ULK4: variants seen among roughly 807,000 people sequenced by gnomAD.
The protein encoded by ULK4 is inactive serine/threonine-protein kinase ULK4.
In ULK4, 133 loss-of-function variants were observed where a neutral mutation model predicts 160.6. That is an observed-to-expected ratio of 0.83 (90% confidence interval 0.72 to 0.96). ULK4 has a LOEUF of 0.96. Among genes scored for constraint, ULK4 ranks in the 40% least tolerant of loss-of-function variants. ULK4 has a pLI of 0.00. For missense variants in ULK4, 1,580 were observed against 1,499.5 expected, an observed-to-expected ratio of 1.05 and a Z score of -0.89; for synonymous variants, 534 against 539.8, an observed-to-expected ratio of 0.99 and a Z score of 0.15.
At chr3:41,262,427 C>T (rs1366683478) in intron 35 of ULK4, among the ~76,000 whole-genome samples, 1 of 152,186 alleles carries the variant, frequency 6.6e-6, no homozygotes, top group Non-Finnish European at 1.5e-5. Flanking sequence ...GGTAAGCTAG[C>T]GTTTGAATGA....
At position 41,567,965 on chromosome 3, in the gene ULK4, G is replaced by A. The variant is rs528034083; in HGVS notation, c.3121-1835C>T. On this transcript the variant is annotated intron_variant, in intron 31 of 36. Coordinates refer to ENST00000301831, the MANE Select transcript of ULK4 (RefSeq NM_017886.4). Reference sequence around the variant, plus strand: ...ACCGTGTTGTATCTATCAAAACTAAGACATTTACACTGATACTAACAACTC... The same window carrying A: ...ACCGTGTTGTATCTATCAAAACTAAAACATTTACACTGATACTAACAACTC... Among the ~76,000 whole-genome samples, 7 of 152,194 alleles carry A rather than the reference G, an allele frequency of 4.6e-5. No homozygotes were observed. The East Asian group carries it at 1.4e-3, about 29-fold the overall frequency.
chr3:41,701,972 A>T lies in ULK4; in HGVS notation c.2781+3085T>A, dbSNP rs540663336. ...AAACAAAATGAAAAATAAAATGTCA[A>T]TAAAACAAGAAAGTGGAAGTAGGTA... On this transcript the variant is annotated intron_variant, in intron 27 of 36. Transcript: ENST00000301831. Among the ~76,000 whole-genome samples the T allele has an allele frequency of 2.5e-3, 384 of 152,348 alleles. 1 individual carries two copies. Among genetic ancestry groups the T allele is most frequent in the African/African-American group, 8.3e-3 (346 of 41,584 alleles).
At chr3:41,424,034 C>T (rs893790708) in intron 34 of ULK4, among the ~76,000 whole-genome samples, 3 of 152,086 alleles carry the variant, frequency 2.0e-5, no homozygotes, top group Non-Finnish European at 4.4e-5. Context: ...TTGCCTAAGA[C>T]AACTGAGCTC....
At chr3:41,730,608 A>G (rs1043135910) in intron 22 of ULK4, among the ~76,000 whole-genome samples, 3 of 152,328 alleles carry the variant, frequency 2.0e-5, no homozygotes, top group Admixed American at 6.5e-5. Context: ...AATGAGTAAT[A>G]AGACTGAATC....
chr3:41,560,421 C>T (rs890051682), intron 32 of ULK4, among the ~76,000 whole-genome samples: 7 of 152,072 alleles, frequency 4.6e-5, no homozygotes, highest in Non-Finnish European at 7.4e-5. Flanking sequence ...TAGTTTGATG[C>T]GGATGACATT....
At chr3:41,368,967 C>T (rs1260943274) in intron 35 of ULK4, among the ~76,000 whole-genome samples, 34 of 152,228 alleles carry the variant, frequency 2.2e-4, no homozygotes. Flanking sequence ...TTGCTCCTAC[C>T]TAGAGCATAT....
chr3:41,476,517 T>G (rs560690347), intron 32 of ULK4, among the ~76,000 whole-genome samples: 3 of 152,308 alleles, frequency 2.0e-5, no homozygotes, highest in African/African-American at 7.2e-5. Flanking sequence ...GAGATGGGTG[T>G]GTGGCTCTTT....
At chr3:41,291,404 A>C (rs954159552) in intron 35 of ULK4, among the ~76,000 whole-genome samples, 2 of 10,228 alleles carry the variant, frequency 2.0e-4, no homozygotes, top group African/African-American at 9.2e-4. Context: ...AAAGAAAAAG[A>C]ATAACGAAAG....
intron 31 of ULK4, among the ~76,000 whole-genome samples, chr3:41,570,646 T>C (rs1357589418): frequency 1.3e-5 from 2 of 152,224 alleles, no homozygotes; most frequent in African/African-American, 4.8e-5. Context: ...TGTAACTAAA[T>C]GCACATTTTC....
At chr3:41,782,171 T>G (rs1329809206) in intron 21 of ULK4, among the ~76,000 whole-genome samples, 16 of 152,010 alleles carry the variant, frequency 1.1e-4, no homozygotes, top group Middle Eastern at 3.4e-3. Flanking sequence ...TTTTTTTTTT[T>G]GGGCAAGTTC....
At chr3:41,419,634 G>A (rs971445624) in intron 34 of ULK4, among the ~76,000 whole-genome samples, 19 of 152,108 alleles carry the variant, frequency 1.2e-4, no homozygotes, top group Non-Finnish European at 4.4e-5. Context: ...CCAGCACTCT[G>A]CAGAAACTCA....
chr3:41,444,363 C>CTCTG (rs2083244427), intron 34 of ULK4, among the ~76,000 whole-genome samples: 1 of 54,116 alleles, frequency 1.8e-5, no homozygotes, highest in African/African-American at 8.6e-5. Flanking sequence ...TAAGTGACTT[C>CTCTG]TCTCTCTCTC....
intron 31 of ULK4, among the ~76,000 whole-genome samples, chr3:41,585,426 T>C (rs1286781525): frequency 1.3e-5 from 2 of 152,164 alleles, no homozygotes; most frequent in Non-Finnish European, 2.9e-5. Flanking sequence ...AATGAGATAC[T>C]CTTTTCAACA....
intron 31 of ULK4, among the ~76,000 whole-genome samples, chr3:41,584,078 C>T (rs965469635): frequency 1.3e-5 from 2 of 152,052 alleles, no homozygotes; most frequent in East Asian, 1.9e-4. Context: ...TTGATTGAGT[C>T]TATTAGAAAC....
intron 27 of ULK4, among the ~76,000 whole-genome samples, chr3:41,699,252 A>C (rs60340105): frequency 6.6e-6 from 1 of 152,136 alleles, no homozygotes; most frequent in East Asian, 1.9e-4. Flanking sequence ...TGTCCCCACC[A>C]ACACTAAGTA....
chr3:41,804,457 C>T (rs541422860), intron 19 of ULK4, among the ~76,000 whole-genome samples: 4 of 151,084 alleles, frequency 2.6e-5, no homozygotes, highest in African/African-American at 9.7e-5. Flanking sequence ...ATGGTAGTTT[C>T]TTTTGCTGTG....
intron 27 of ULK4, among the ~76,000 whole-genome samples, chr3:41,695,708 G>A (rs1037264787): frequency 6.6e-6 from 1 of 152,114 alleles, no homozygotes; most frequent in Non-Finnish European, 1.5e-5. Context: ...GCCGAGGCAA[G>A]AGACCGAGGC....
chr3:41,938,330 C>T, intron 2 of ULK4, 133 bp from the exon 3 acceptor site: 1 of 634,764 alleles, frequency 1.6e-6, no homozygotes, highest in Non-Finnish European at 2.6e-6. Flanking sequence ...TCTATACAGA[C>T]ATTAGAAATC....
intron 32 of ULK4, among the ~76,000 whole-genome samples, chr3:41,559,398 G>A (rs2087467439): frequency 6.8e-6 from 1 of 147,214 alleles, no homozygotes; most frequent in South Asian, 2.3e-4. Flanking sequence ...CCCAGTAATG[G>A]GATGGCTGGG....
Sources: gnomAD v4.1 joint callset for allele counts (sites outside exome capture counted in the v4.1 genomes callset) on GRCh38, gnomAD v4.1.1 for gene constraint, MANE v1.5 for transcripts, NCBI Gene and HGNC (gene_info 2026-07-23, HGNC 2026-07-21) for gene names.